Variants in CCAR1 observed in about 807,000 individuals in gnomAD.
The protein encoded by CCAR1 is cell division cycle and apoptosis regulator 1, also known as cell division cycle and apoptosis regulator protein 1.
CCAR1 carries 78 observed loss-of-function variants against 163.8 expected under a neutral mutation model. The observed-to-expected ratio is 0.48, with a 90% CI of 0.40 to 0.57. The LOEUF (loss-of-function observed/expected upper bound fraction) is 0.57, where lower values mean the gene tolerates loss of function less well. CCAR1 is among the 20% of genes least tolerant of loss of function. The pLI, the probability that CCAR1 is intolerant of heterozygous loss-of-function variation, is 0.00. For synonymous variants in CCAR1, 443 were observed against 460.7 expected, an observed-to-expected ratio of 0.96 and a Z score of 0.49; for missense variants, 1,019 against 1,365.2, an observed-to-expected ratio of 0.75 and a Z score of 4.00.
chr10:68,789,464 C>T (rs2056830306), intron 23 of CCAR1, among the ~76,000 whole-genome samples: 1 of 151,854 alleles, frequency 6.6e-6, no homozygotes, highest in Non-Finnish European at 1.5e-5. Flanking sequence ...TGGTACGCGC[C>T]TGTAATCCCA....
intron 19 of CCAR1, among the ~76,000 whole-genome samples, chr10:68,782,261 G>A (rs1275645429): frequency 6.6e-6 from 1 of 152,136 alleles, no homozygotes; most frequent in Non-Finnish European, 1.5e-5. Context: ...GGATTCATGA[G>A]GTTTAAGGAA....
intron 18 of CCAR1, among the ~76,000 whole-genome samples, chr10:68,771,705 C>T (rs372800485): frequency 6.6e-6 from 1 of 152,088 alleles, no homozygotes; most frequent in Non-Finnish European, 1.5e-5. Context: ...ATTGCTTAAA[C>T]CTGGGAGGTG....
intron 21 of CCAR1, 128 bp downstream of exon 21, chr10:68,786,820 C>A (rs1291781581): frequency 9.5e-6 from 7 of 738,780 alleles, no homozygotes; most frequent in Admixed American, 6.4e-5. Context: ...CGTGGTGGCT[C>A]ACACCTATAA....
intron 8 of CCAR1, 47 bp downstream of exon 8, chr10:68,747,613 G>T: frequency 2.0e-6 from 3 of 1,526,244 alleles, no homozygotes; most frequent in South Asian, 1.2e-5. Flanking sequence ...TTTAGTTGTT[G>T]ATAATGTAAC....
At chr10:68,779,034 G>C (rs971102191) in intron 19 of CCAR1, among the ~76,000 whole-genome samples, 13 of 152,050 alleles carry the variant, frequency 8.5e-5, no homozygotes, top group Admixed American at 7.2e-4. Flanking sequence ...TATTAGAGAT[G>C]GGGTTTCATC....
chr10:68,722,858 G>A (rs71478848), intron 2 of CCAR1, among the ~76,000 whole-genome samples: 1 of 151,938 alleles, frequency 6.6e-6, no homozygotes, highest in Admixed American at 6.6e-5. Context: ...GGAGGTGGAG[G>A]TTGCAGTTAG....
chr10:68,789,836 T>G lies in CCAR1; in HGVS notation c.3314T>G (p.Leu1105Ter). The G allele has an allele frequency of 6.2e-7, 1 of 1,607,998 alleles. No individual in the cohort carries two copies. Among genetic ancestry groups the G allele is most frequent in the Non-Finnish European group, 8.5e-7 (1 of 1,177,602 alleles). ...ENLKISENMN[L>*]QFENQMNKTI... ...TTAAAGATTTCGGAAAACATGAATT[T>G]ACAATTTGAAAACCAAATGAATAAG... The change falls in exon 24 of 25, where the codon TTA (leucine) becomes TGA (stop). Residue 1105 changes from leucine to a stop codon, truncating the protein, a stop_gained. Transcript: ENST00000265872. LOFTEE classifies it high-confidence loss of function.
intron 16 of CCAR1, among the ~76,000 whole-genome samples, chr10:68,763,188 G>C (rs530148101): frequency 1.3e-5 from 2 of 152,044 alleles, no homozygotes; most frequent in Admixed American, 1.3e-4. Context: ...GTCTCGCCCT[G>C]TTGCCAGGTT....
At chr10:68,757,525 T>G (rs1589170491) in intron 15 of CCAR1, 148 bp downstream of exon 15, 6 of 465,926 alleles carry the variant, frequency 1.3e-5, no homozygotes, top group Non-Finnish European at 2.3e-5. Context: ...GTAGATTCTC[T>G]TGCCTCAGCC....
chr10:68,741,364 A>G (rs1208658296), intron 5 of CCAR1, among the ~76,000 whole-genome samples: 2 of 152,194 alleles, frequency 1.3e-5, no homozygotes, highest in Non-Finnish European at 2.9e-5. Context: ...AGCAACATTA[A>G]AAAGTTTTGA....
intron 19 of CCAR1, among the ~76,000 whole-genome samples, chr10:68,781,910 A>C (rs2056741154): frequency 6.6e-6 from 1 of 152,156 alleles, no homozygotes; most frequent in Admixed American, 6.6e-5. Context: ...TGTTCAAGTG[A>C]AACCTAAAAA....
chr10:68,784,861 A>T (rs911947808), intron 19 of CCAR1, among the ~76,000 whole-genome samples: 2 of 150,602 alleles, frequency 1.3e-5, no homozygotes, highest in African/African-American at 4.9e-5. Flanking sequence ...TAATATATGT[A>T]CTTTTTTAAG....
intron 2 of CCAR1, among the ~76,000 whole-genome samples, chr10:68,726,157 A>ATTT (rs34258590): frequency 1.4e-5 from 2 of 139,426 alleles, no homozygotes; most frequent in African/African-American, 2.7e-5. Context: ...CAGGGTTTTA[A>ATTT]TTTTTTTTTT....
chr10:68,783,184 A>G (rs543681631), intron 19 of CCAR1, among the ~76,000 whole-genome samples: 1 of 150,664 alleles, frequency 6.6e-6, no homozygotes, highest in Non-Finnish European at 1.5e-5. Flanking sequence ...TTATTTATTT[A>G]TTTATTTTTA....
In CCAR1 at chr10:68,788,343, T is replaced by G. The variant is rs902860682; in HGVS notation, c.3187+15T>G. 6.5e-7 allele frequency: 1 copy of G among 1,535,422 alleles called. No homozygotes were observed. Among genetic ancestry groups the G allele is most frequent in the African/African-American group, 1.4e-5 (1 of 71,940 alleles). On this transcript the variant is annotated intron_variant, in intron 23 of 24. Transcript: ENST00000265872. The stretch of plus-strand genomic sequence containing the variant: ...AGAAAAAACAGGTAAGGGTCAGCTT[T>G]GAATATGTTAATACTTTCAGCACCC...
Position 68,787,920 on chromosome 10 carries a change from A to G in CCAR1, c.2881-7A>G, listed in dbSNP as rs766321689. The G allele has an allele frequency of 1.5e-5, 24 of 1,594,980 alleles. No individual in the cohort carries two copies. The Admixed American group carries it at 2.0e-4, about 14-fold the overall frequency. Reference sequence around the variant, plus strand: ...CTCTGTATTTTGTTTACTTGCATGCATAACAGGTAAAGAAGCTTCTTAATA... The same window carrying G: ...CTCTGTATTTTGTTTACTTGCATGCGTAACAGGTAAAGAAGCTTCTTAATA... On this transcript the variant is annotated splice_region_variant and splice_polypyrimidine_tract_variant and intron_variant, in intron 21 of 24. Transcript: ENST00000265872.
chr10:68,785,668 CAG>C (rs1459118706), intron 19 of CCAR1, among the ~76,000 whole-genome samples: 1 of 152,176 alleles, frequency 6.6e-6, no homozygotes, highest in African/African-American at 2.4e-5. Flanking sequence ...TTAATATATT[CAG>C]AGTTGTACAA....
At chr10:68,730,326 A>AATATAT (rs748641938) in intron 2 of CCAR1, among the ~76,000 whole-genome samples, 1,571 of 145,034 alleles carry the variant, frequency 0.011, 33 homozygotes, top group African/African-American at 0.037. Context: ...TTTAAAAAAG[A>AATATAT]ATATATATAT....
intron 19 of CCAR1, among the ~76,000 whole-genome samples, chr10:68,775,829 T>C (rs1187687688): frequency 2.0e-5 from 3 of 151,300 alleles, no homozygotes; most frequent in African/African-American, 7.3e-5. Context: ...CCCAAGTAGC[T>C]GGGATTACAG....
Sources: gnomAD v4.1 joint callset for allele counts (sites outside exome capture counted in the v4.1 genomes callset) on GRCh38, gnomAD v4.1.1 for gene constraint, MANE v1.5 for transcripts, NCBI Gene and HGNC (gene_info 2026-07-23, HGNC 2026-07-21) for gene names.